The following GFM1 variants were observed in gnomAD, a reference collection of about 807,000 sequenced individuals.
GFM1 encodes elongation factor G, mitochondrial.
In GFM1, 62 loss-of-function variants were observed where a neutral mutation model predicts 96.2. The ratio of observed to expected loss-of-function variants is 0.64; its 90% CI spans 0.53 to 0.80. The LOEUF (loss-of-function observed/expected upper bound fraction) is 0.80, where lower values mean the gene tolerates loss of function less well. Ranked by LOEUF, GFM1 falls within the 30% of genes least tolerant of loss-of-function variation. The probability of loss-of-function intolerance (pLI) is 0.00; values close to 1 mark genes in which losing one functional copy is unlikely to be tolerated. For missense variants in GFM1, 852 were observed against 916.6 expected, an observed-to-expected ratio of 0.93 and a Z score of 0.91; for synonymous variants, 282 against 312.9, an observed-to-expected ratio of 0.90 and a Z score of 1.04.
intron 13 of GFM1, chr3:158,669,224 C>T (rs984846243): frequency 9.5e-6 from 13 of 1,367,460 alleles, no homozygotes; most frequent in South Asian, 2.7e-5. Context: ...TAGTTTCCTT[C>T]GAATGTTGTG....
In GFM1 at chr3:158,649,157, GGTAA is replaced by G. The variant is rs1722090907; in HGVS notation, c.689+3_689+6del. 1 of 1,154,326 alleles carries G rather than the reference GGTAA, an allele frequency of 8.7e-7. No individual in the cohort carries two copies. The highest frequency in any genetic ancestry group is 1.3e-6 in the Non-Finnish European group (1 of 762,584). 71.5% of individuals were successfully genotyped at this position (1,154,326 alleles called of 1,614,324 possible). ...GCCATCTATTTTGATGGAGACTTTG[GGTAA>G]GTGCTAAAAATACATTATTAAAATT... On this transcript the variant is annotated splice_donor_variant and splice_donor_region_variant and intron_variant, in intron 5 of 17. Coordinates refer to ENST00000486715, the MANE Select transcript of GFM1 (RefSeq NM_024996.7). LOFTEE classifies it high-confidence loss of function.
chr3:158,654,446 A>T, intron 7 of GFM1, 101 bp from the exon 8 acceptor site: 2 of 731,468 alleles, frequency 2.7e-6, no homozygotes, highest in Non-Finnish European at 4.7e-6. Context: ...AATATCCCAC[A>T]CACGTGCTTT....
chr3:158,684,692 G>T lies in GFM1; in HGVS notation c.1909+24G>T. 2.5e-6 allele frequency: 4 copies of T among 1,613,098 alleles called. No homozygotes were observed. The African/African-American group carries it at 5.3e-5, about 22-fold the overall frequency. On this transcript the variant is annotated intron_variant, in intron 15 of 17. Coordinates refer to ENST00000486715, the MANE Select transcript of GFM1 (RefSeq NM_024996.7). ...AGGTATGCTGGGTCCGGGCACCTTAGCCTGTCTGTTTTCCTGATAGATCAT... is the reference window on the plus strand; with the variant it reads ...AGGTATGCTGGGTCCGGGCACCTTATCCTGTCTGTTTTCCTGATAGATCAT...
intron 14 of GFM1, 153 bp downstream of exon 14, chr3:158,682,310 G>A (rs1725467289): frequency 1.7e-5 from 11 of 661,926 alleles, no homozygotes; most frequent in Non-Finnish European, 3.0e-5. Flanking sequence ...ATCTGATTTA[G>A]AATCTCTAAT....
chr3:158,645,231 C>T (rs1387052115), intron 1 of GFM1, among the ~76,000 whole-genome samples: 2 of 151,996 alleles, frequency 1.3e-5, no homozygotes, highest in Non-Finnish European at 2.9e-5. Context: ...ACATATTTGT[C>T]ATCTGTGAAC....
intron 13 of GFM1, chr3:158,669,276 G>A: frequency 8.4e-7 from 1 of 1,195,894 alleles, no homozygotes; most frequent in Non-Finnish European, 1.2e-6. Flanking sequence ...TAAAATTTCT[G>A]AGGCCTCTTT....
chr3:158,688,334 T>C (rs1330210511), intron 15 of GFM1, among the ~76,000 whole-genome samples: 1 of 152,148 alleles, frequency 6.6e-6, no homozygotes, highest in Non-Finnish European at 1.5e-5. Flanking sequence ...GAGGAAGGCA[T>C]GTGTAAGGGT....
intron 13 of GFM1, among the ~76,000 whole-genome samples, chr3:158,667,342 G>C (rs1156565930): frequency 6.6e-6 from 1 of 152,096 alleles, no homozygotes; most frequent in Non-Finnish European, 1.5e-5. Context: ...AGTTGTGGTG[G>C]CTACTTAAGA....
At chr3:158,646,104 A>G (rs749429253) in intron 2 of GFM1, 61 bp from the exon 3 acceptor site, 17 of 1,607,124 alleles carry the variant, frequency 1.1e-5, no homozygotes, top group Non-Finnish European at 1.4e-5. Flanking sequence ...TTCAGTTAAG[A>G]TTTCTTTCCT....
At chr3:158,666,679 A>G (rs748874875) in intron 13 of GFM1, 8 of 1,613,860 alleles carry the variant, frequency 5.0e-6, no homozygotes, top group South Asian at 2.2e-5. Context: ...GCAGACGGCT[A>G]TTATGTTTTA....
rs369066826 is a variant in GFM1, at chr3:158,658,904, C to A, written c.1084-18C>A. 4.4e-5 allele frequency: 71 copies of A among 1,613,626 alleles called. No homozygotes were observed. The highest frequency in any genetic ancestry group is 5.7e-5 in the Non-Finnish European group (67 of 1,179,674). On this transcript the variant is annotated intron_variant, in intron 8 of 17. Transcript: ENST00000486715. ...TTTCTTTTTATTCTTCCTGCCCTTACCCAATCTTGACTTCTAGGTAGGTCG... is the reference window on the plus strand; with the variant it reads ...TTTCTTTTTATTCTTCCTGCCCTTAACCAATCTTGACTTCTAGGTAGGTCG...
At position 158,691,471 on chromosome 3, in the gene GFM1, T is replaced by C; in HGVS notation, c.*4T>C. The C allele has an allele frequency of 6.2e-7, 1 of 1,613,556 alleles. No homozygotes were observed. Among genetic ancestry groups the C allele is most frequent in the East Asian group, 2.2e-5 (1 of 44,822 alleles). The stretch of plus-strand genomic sequence containing the variant: ...AAAAGGAAAAGCCAAGAACTAACTT[T>C]GCTTACTGTGAGTTGACTGACTCTA... On this transcript the variant is annotated 3_prime_UTR_variant, in exon 18 of 18. Transcript: ENST00000486715.
chr3:158,686,656 ATT>A (rs1725880103), intron 15 of GFM1, among the ~76,000 whole-genome samples: 1 of 149,182 alleles, frequency 6.7e-6, no homozygotes, highest in Non-Finnish European at 1.5e-5. Flanking sequence ...TATATATATT[ATT>A]AAGTATAATT....
At position 158,692,841 on chromosome 3, in the gene GFM1, G is replaced by A. The variant is rs137950926; in HGVS notation, c.*1374G>A. Among the ~76,000 whole-genome samples the A allele has an allele frequency of 2.0e-5, 3 of 151,956 alleles. No homozygotes were observed. Among genetic ancestry groups the A allele is most frequent in the Non-Finnish European group, 2.9e-5 (2 of 67,966 alleles). ...TAAGTAGGTGGGACTACAGGTGTGCGCCACCACTCCCTGCTAATTTTTTGC... is the reference window on the plus strand; with the variant it reads ...TAAGTAGGTGGGACTACAGGTGTGCACCACCACTCCCTGCTAATTTTTTGC... On this transcript the variant is annotated 3_prime_UTR_variant, in exon 18 of 18. Transcript: ENST00000486715.
At chr3:158,689,067 G>T (rs566323566) in intron 15 of GFM1, among the ~76,000 whole-genome samples, 4 of 152,152 alleles carry the variant, frequency 2.6e-5, no homozygotes, top group African/African-American at 9.6e-5. Flanking sequence ...CCTTTATTTG[G>T]AGATAATGTA....
Position 158,690,243 on chromosome 3 carries a change from G to T in GFM1, c.1990G>T (p.Val664Leu). Residue 664 changes from valine (V) to leucine (L), a missense_variant, in exon 16 of 18, where the codon GTA (valine) becomes TTA (leucine). By Grantham distance (32) the Val-to-Leu change is conservative. Transcript: ENST00000486715. ...VVAPNEFQGQ[V>L]IAGINRRHGV... ...AGCTCCAAATGAATTTCAGGGACAA[G>T]TAATTGCAGGAATTAACCGACGCCA... is the stretch of plus-strand genomic sequence containing the variant. 1.2e-6 allele frequency: 2 copies of T among 1,613,668 alleles called. No homozygotes were observed. The highest frequency in any genetic ancestry group is 1.7e-6 in the Non-Finnish European group (2 of 1,179,732).
chr3:158,660,887 T>C lies in GFM1; in HGVS notation c.1235T>C (p.Val412Ala). The change falls in exon 10 of 18, where the codon GTA becomes GCA. Residue 412 changes from valine (V) to alanine (A), a missense_variant. Transcript: ENST00000486715. ...TTGTTTTTTTAGGATGTTGAGGAAG[T>C]ATATGCCGGAGACATCTGTGCATTG... ...HADMMEDVEE[V>A]YAGDICALFG... 6.2e-7 allele frequency: 1 copy of C among 1,613,680 alleles called. No homozygotes were observed. Among genetic ancestry groups the C allele is most frequent in the Non-Finnish European group, 8.5e-7 (1 of 1,179,582 alleles).
chr3:158,678,077 G>C (rs2363658), intron 13 of GFM1, among the ~76,000 whole-genome samples: 24,110 of 152,132 alleles, frequency 0.16, 1,986 homozygotes, highest in South Asian at 0.22. Context: ...CAGCATGTCT[G>C]TTTACAGCAT....
chr3:158,681,695 A>G lies in GFM1; in HGVS notation c.1602-300A>G, dbSNP rs141360831. Among the ~76,000 whole-genome samples, 203 of 152,330 alleles carry G rather than the reference A, an allele frequency of 1.3e-3. 2 individuals are homozygous for G. Among genetic ancestry groups the G allele is most frequent in the African/African-American group, 4.7e-3 (194 of 41,580 alleles). Reference sequence around the variant, plus strand: ...GAAATGGGCAAGGTTTTTGGAATACAGGTTATTAGAACAAGAACCTTAGAC... The same window carrying G: ...GAAATGGGCAAGGTTTTTGGAATACGGGTTATTAGAACAAGAACCTTAGAC... On this transcript the variant is annotated intron_variant, in intron 13 of 17. Coordinates refer to ENST00000486715, the MANE Select transcript of GFM1 (RefSeq NM_024996.7).
Sources: allele counts gnomAD v4.1 joint callset (sites outside exome capture counted in the v4.1 genomes callset), GRCh38; gene constraint gnomAD v4.1.1; transcripts MANE v1.5; gene names NCBI Gene and HGNC (gene_info 2026-07-23, HGNC 2026-07-21).